Variants in PRCC observed in about 807,000 individuals in gnomAD.
PRCC encodes the protein proline-rich protein PRCC.
PRCC carries 10 observed loss-of-function variants against 44.0 expected under a neutral mutation model. That is an observed-to-expected ratio of 0.23 (90% CI 0.14 to 0.39). The LOEUF is 0.39. Among genes scored for constraint, PRCC ranks in the 10% least tolerant of loss-of-function variants. The pLI is 1.00. For synonymous variants in PRCC, 278 were observed against 259.5 expected (o/e 1.07, Z -0.69); for missense variants, 573 against 624.7 (o/e 0.92, Z 0.88).
rs534691603 is a variant in PRCC, at chr1:156,798,680, C to T, written c.1389+1339C>T. Among the ~76,000 whole-genome samples the T allele has an allele frequency of 8.6e-5, 13 of 152,036 alleles. No individual in the cohort carries two copies. The South Asian group carries it at 2.5e-3, about 29-fold the overall frequency. On this transcript the variant is annotated intron_variant, in intron 6 of 6. Transcript: ENST00000271526. ...GACCAGCCTGACCAACATGGTGAAA[C>T]CCTGTCTCTACTAAAAATACAAAAA... is the stretch of plus-strand genomic sequence containing the variant.
chr1:156,782,592 A>G (rs1188606704), intron 2 of PRCC, among the ~76,000 whole-genome samples: 1 of 152,212 alleles, frequency 6.6e-6, no homozygotes, highest in East Asian at 1.9e-4. Flanking sequence ...AACTCAATTC[A>G]GTTCATTACG....
chr1:156,778,618 TG>T (rs1651915238), intron 1 of PRCC, among the ~76,000 whole-genome samples: 2 of 150,718 alleles, frequency 1.3e-5, no homozygotes, highest in Admixed American at 1.3e-4. Flanking sequence ...GGTCTCACTC[TG>T]TTGCCCAGGC....
At chr1:156,768,522 T>C (rs1651505627) in intron 1 of PRCC, among the ~76,000 whole-genome samples, 1 of 152,196 alleles carries the variant, frequency 6.6e-6, no homozygotes. Context: ...CGCTCCCCCT[T>C]CTTTGCATCT....
intron 6 of PRCC, among the ~76,000 whole-genome samples, chr1:156,799,802 A>G (rs1294128414): frequency 6.6e-6 from 1 of 152,212 alleles, no homozygotes; most frequent in Non-Finnish European, 1.5e-5. Context: ...TGTTGAGATC[A>G]GAAGAAAGAA....
chr1:156,795,220 C>T (rs1165940346), intron 5 of PRCC, among the ~76,000 whole-genome samples: 2 of 147,742 alleles, frequency 1.4e-5, no homozygotes, highest in Non-Finnish European at 3.0e-5. Flanking sequence ...TCTTCCTTTC[C>T]TTCCCTCCCT....
At chr1:156,784,096 G>A (rs923997920) in intron 2 of PRCC, among the ~76,000 whole-genome samples, 3 of 152,062 alleles carry the variant, frequency 2.0e-5, no homozygotes, top group South Asian at 4.2e-4. Flanking sequence ...ACAGGCACCC[G>A]CCACCACACC....
intron 1 of PRCC, among the ~76,000 whole-genome samples, chr1:156,770,436 A>G (rs557151747): frequency 5.9e-5 from 9 of 152,342 alleles, no homozygotes; most frequent in African/African-American, 2.2e-4. Context: ...GTGCAATGGC[A>G]CAATCTCAGC....
In PRCC at chr1:156,767,682, C is replaced by G; in HGVS notation, c.-90C>G. The G allele has an allele frequency of 2.2e-6, 3 of 1,349,956 alleles. No homozygotes were observed. The highest frequency in any genetic ancestry group is 3.0e-6 in the Non-Finnish European group (3 of 1,007,838). 83.6% of individuals were successfully genotyped at this position (1,349,956 alleles called of 1,614,324 possible). A position where few individuals can be genotyped will look rare whatever the true frequency, so the allele number is the denominator to read the frequency against. On this transcript the variant is annotated 5_prime_UTR_variant, in exon 1 of 7. Coordinates refer to ENST00000271526, the MANE Select transcript of PRCC (RefSeq NM_005973.5). ...CGGACTTTTCGGTTCCCCGCCCCGC[C>G]AGGTGGCGGGGCCTACTAGGCCTCC...
At chr1:156,769,248 C>T (rs981209694) in intron 1 of PRCC, among the ~76,000 whole-genome samples, 2 of 152,246 alleles carry the variant, frequency 1.3e-5, no homozygotes, top group African/African-American at 4.8e-5. Flanking sequence ...TCTCCCTCAC[C>T]TCACTTGGCC....
In PRCC at chr1:156,767,963, G is replaced by A. The variant is rs1249994609; in HGVS notation, c.192G>A (p.Pro64=). The stretch of plus-strand genomic sequence containing the variant: ...AGATGCTGGCGCCAGCCTTTCCCCC[G>A]CCGCTGTTGCTTCCCCCACCCACCG... ...PPQMLAPAFP[P]PLLLPPPTGD... Residue 64 remains proline (P), a synonymous_variant, in exon 1 of 7, where the codon CCG becomes CCA. Coordinates refer to ENST00000271526, the MANE Select transcript of PRCC (RefSeq NM_005973.5). 4 of 1,531,382 alleles carry A rather than the reference G, an allele frequency of 2.6e-6. No homozygotes were observed. The South Asian group carries it at 3.5e-5, about 13-fold the overall frequency. The allele number at this position is 1,531,382 out of a possible 1,614,324, so 94.9% of individuals were successfully genotyped here. A position where few individuals can be genotyped will look rare whatever the true frequency, so the allele number is the denominator to read the frequency against.
intron 2 of PRCC, among the ~76,000 whole-genome samples, chr1:156,784,486 G>A (rs11264551): frequency 0.25 from 37,644 of 152,086 alleles, 4,828 homozygotes; most frequent in Middle Eastern, 0.34. Context: ...ACTGCAAAAT[G>A]TTGTAGCCAT....
chr1:156,768,296 G>A, intron 1 of PRCC, 57 bp downstream of exon 1: 1 of 1,495,268 alleles, frequency 6.7e-7, no homozygotes, highest in Admixed American at 2.0e-5. Flanking sequence ...TCGGCTGTAG[G>A]AGGGACATGT....
At chr1:156,791,641 TC>T in intron 3 of PRCC, 55 bp from the exon 4 acceptor site, 2 of 1,503,778 alleles carry the variant, frequency 1.3e-6, no homozygotes, top group South Asian at 1.2e-5. Flanking sequence ...GACCTTACCT[TC>T]CCCTCTCCAA....
chr1:156,770,794 TA>T (rs1215028645), intron 1 of PRCC, among the ~76,000 whole-genome samples: 3 of 152,258 alleles, frequency 2.0e-5, no homozygotes, highest in Non-Finnish European at 2.9e-5. Flanking sequence ...TTTCCTTAAG[TA>T]AATAATTTCC....
At chr1:156,770,334 A>T (rs989740733) in intron 1 of PRCC, among the ~76,000 whole-genome samples, 6 of 152,228 alleles carry the variant, frequency 3.9e-5, no homozygotes, top group African/African-American at 1.4e-4. Context: ...GCAGAAAGGT[A>T]GCCTAAGAAT....
chr1:156,786,177 G>A (rs189594049), intron 2 of PRCC, among the ~76,000 whole-genome samples: 29 of 152,196 alleles, frequency 1.9e-4, no homozygotes, highest in Admixed American at 1.7e-3. Flanking sequence ...ATTTTGGGTA[G>A]CATTCCAAAG....
At chr1:156,797,010 A>G (rs1652681133) in intron 5 of PRCC, 1 of 417,818 alleles carries the variant, frequency 2.4e-6, no homozygotes, top group Non-Finnish European at 4.4e-6. Flanking sequence ...CGCAGAAGAC[A>G]GTCCTGACCT....
intron 2 of PRCC, among the ~76,000 whole-genome samples, chr1:156,785,475 T>G (rs1026269158): frequency 3.2e-4 from 49 of 150,864 alleles, no homozygotes; most frequent in Non-Finnish European, 6.2e-4. Context: ...ATCATGTCAC[T>G]GCACTCCATC....
intron 1 of PRCC, among the ~76,000 whole-genome samples, chr1:156,774,743 A>G (rs577963232): frequency 9.3e-5 from 14 of 150,436 alleles, no homozygotes; most frequent in Admixed American, 1.3e-4. Context: ...CACGAGGTCA[A>G]TAGTTCAAGA....
Sources: allele counts gnomAD v4.1 joint callset (sites outside exome capture counted in the v4.1 genomes callset), GRCh38; gene constraint gnomAD v4.1.1; transcripts MANE v1.5; gene names NCBI Gene and HGNC (gene_info 2026-07-23, HGNC 2026-07-21).